The following TRDN variants were observed in gnomAD, a reference collection of about 807,000 sequenced individuals.
TRDN encodes triadin in skeletal muscle.
In TRDN, 161 loss-of-function variants were observed where a neutral mutation model predicts 149.7. That is an observed-to-expected ratio of 1.08 (90% confidence interval 0.95 to 1.23). The LOEUF (loss-of-function observed/expected upper bound fraction) is 1.23. Ranked by LOEUF, TRDN falls within the 50% of genes most tolerant of loss-of-function variation. The pLI is 0.00. For missense variants in TRDN, 896 were observed against 823.5 expected (o/e 1.09, Z -1.08); for synonymous variants, 294 against 250.5 (o/e 1.17, Z -1.64).
intron 2 of TRDN, among the ~76,000 whole-genome samples, chr6:123,553,412 C>T (rs1483163297): frequency 1.3e-5 from 2 of 151,734 alleles, no homozygotes; most frequent in Admixed American, 6.6e-5. Context: ...CTGTCTGATC[C>T]ACTCCACAGG....
intron 16 of TRDN, among the ~76,000 whole-genome samples, chr6:123,380,827 A>G (rs1781689379): frequency 6.6e-6 from 1 of 151,914 alleles, no homozygotes; most frequent in Non-Finnish European, 1.5e-5. Flanking sequence ...TTGTTAGCAC[A>G]CAGTCTTAAT....
chr6:123,260,196 T>C (rs975818938), intron 34 of TRDN, among the ~76,000 whole-genome samples: 4 of 152,186 alleles, frequency 2.6e-5, no homozygotes, highest in Admixed American at 1.3e-4. Context: ...AAAAACTACA[T>C]GTTACATTTT....
At chr6:123,254,398 C>A (rs540902072) in intron 37 of TRDN, among the ~76,000 whole-genome samples, 1 of 152,046 alleles carries the variant, frequency 6.6e-6, no homozygotes, top group South Asian at 2.1e-4. Flanking sequence ...AAAAACAAAG[C>A]TTTTTCTCTC....
chr6:123,250,390 C>T (rs1235171179), intron 38 of TRDN, among the ~76,000 whole-genome samples: 2 of 152,022 alleles, frequency 1.3e-5, no homozygotes, highest in African/African-American at 2.4e-5. Context: ...AAACCCACTC[C>T]TACCACCACC....
intron 1 of TRDN, among the ~76,000 whole-genome samples, chr6:123,615,141 C>A (rs559988083): frequency 6.6e-6 from 1 of 151,990 alleles, no homozygotes. Context: ...ATCAAAAAGA[C>A]AAAAGATAAT....
At chr6:123,305,083 T>G (rs1017639280) in intron 24 of TRDN, among the ~76,000 whole-genome samples, 1 of 152,164 alleles carries the variant, frequency 6.6e-6, no homozygotes, top group Non-Finnish European at 1.5e-5. Flanking sequence ...AAAATACAAT[T>G]GAAAACATTG....
chr6:123,279,544 C>A (rs1049394299), intron 24 of TRDN, among the ~76,000 whole-genome samples: 1 of 151,904 alleles, frequency 6.6e-6, no homozygotes, highest in Non-Finnish European at 1.5e-5. Context: ...TGTTTTCTTA[C>A]AAATGCCATC....
rs76968891 is a variant in TRDN, at chr6:123,220,878, T to C, written c.2050+609A>G. On this transcript the variant is annotated intron_variant, in intron 40 of 40. Transcript: ENST00000334268. ...TGTTCTGCAATGACTTTAATGCAAATACAGATTTAAAATTTATTGCTTTAC... is the reference window on the plus strand; with the variant it reads ...TGTTCTGCAATGACTTTAATGCAAACACAGATTTAAAATTTATTGCTTTAC... Among the ~76,000 whole-genome samples the C allele has an allele frequency of 3.1e-3, 466 of 151,860 alleles. 18 individuals carry two copies. In the East Asian group the frequency reaches 0.075, roughly 25 times the overall value.
Position 123,316,478 on chromosome 6 carries a change from C to G in TRDN, c.1489G>C (p.Asp497His). 1 of 1,610,286 alleles carries G rather than the reference C, an allele frequency of 6.2e-7. No homozygotes were observed. The highest frequency in any genetic ancestry group is 8.5e-7 in the Non-Finnish European group (1 of 1,177,636). Residue 497 changes from aspartate to histidine, a missense_variant, in exon 24 of 41, where the codon GAT (aspartate) becomes CAT (histidine). Transcript: ENST00000334268. Reference sequence around the variant, plus strand: ...TTACCTGCTTTGGACATCTTTTCATCTTTTTTAGTTTCAGGTTCTGGGGCA... The same window carrying G: ...TTACCTGCTTTGGACATCTTTTCATGTTTTTTAGTTTCAGGTTCTGGGGCA... Reference protein sequence around the residue: ...LKEKEPETKKDEKMSKAGKEV... With the variant: ...LKEKEPETKKHEKMSKAGKEV...
chr6:123,350,922 C>T (rs933195785), intron 21 of TRDN: 3 of 984,938 alleles, frequency 3.0e-6, no homozygotes, highest in Non-Finnish European at 3.6e-6. Flanking sequence ...GAACCATTTC[C>T]AGTCTCTTGT....
chr6:123,569,802 C>T (rs956652769), intron 2 of TRDN, among the ~76,000 whole-genome samples: 1 of 152,110 alleles, frequency 6.6e-6, no homozygotes, highest in African/African-American at 2.4e-5. Flanking sequence ...CAGTGCCAAA[C>T]CACTCACTAA....
Position 123,217,529 on chromosome 6 carries a change from G to A in TRDN, c.*1072C>T, listed in dbSNP as rs1775002301. On this transcript the variant is annotated 3_prime_UTR_variant, in exon 41 of 41. Transcript: ENST00000334268. ...CCAGGAATATGACAAAAACATAACA[G>A]TCATTCCCAGGGATGCACTGTCGAG... 1 of 151,912 alleles carries A rather than the reference G, an allele frequency of 6.6e-6. No homozygotes were observed. The highest frequency in any genetic ancestry group is 1.5e-5 in the Non-Finnish European group (1 of 67,930). The allele number at this position is 151,912 out of a possible 1,614,324, so 9.4% of individuals were successfully genotyped here. A position where few individuals can be genotyped will look rare whatever the true frequency, so the allele number is the denominator to read the frequency against.
intron 7 of TRDN, among the ~76,000 whole-genome samples, chr6:123,509,267 C>A (rs75584284): frequency 2.6e-5 from 4 of 151,780 alleles, no homozygotes; most frequent in African/African-American, 9.7e-5. Flanking sequence ...CTCAAGATGG[C>A]TCCCAGTGAC....
At chr6:123,590,307 G>A (rs901632344) in intron 1 of TRDN, among the ~76,000 whole-genome samples, 4 of 152,174 alleles carry the variant, frequency 2.6e-5, no homozygotes, top group African/African-American at 9.7e-5. Flanking sequence ...GAGGAATCTA[G>A]GTTGTTGGTT....
intron 33 of TRDN, among the ~76,000 whole-genome samples, chr6:123,264,119 T>G (rs1389987494): frequency 6.6e-6 from 1 of 152,076 alleles, no homozygotes; most frequent in Non-Finnish European, 1.5e-5. Flanking sequence ...CATTCAAGTC[T>G]TATTACTTAA....
At chr6:123,308,702 C>G (rs1254496912) in intron 24 of TRDN, among the ~76,000 whole-genome samples, 1 of 151,978 alleles carries the variant, frequency 6.6e-6, no homozygotes, top group Non-Finnish European at 1.5e-5. Context: ...TTCATCTTCC[C>G]ATGCTTCAGA....
intron 12 of TRDN, among the ~76,000 whole-genome samples, chr6:123,425,516 G>A (rs1774085495): frequency 6.6e-6 from 1 of 151,942 alleles, no homozygotes; most frequent in Admixed American, 6.6e-5. Context: ...AGAGAGAATT[G>A]AGCCCTAGAG....
chr6:123,456,842 A>G, intron 10 of TRDN: 1 of 455,912 alleles, frequency 2.2e-6, no homozygotes, highest in South Asian at 1.5e-5. Context: ...CACTTTTCTC[A>G]CTCATTCTAG....
intron 9 of TRDN, among the ~76,000 whole-genome samples, chr6:123,478,205 C>T (rs929930390): frequency 2.0e-5 from 3 of 152,038 alleles, no homozygotes; most frequent in Admixed American, 2.0e-4. Flanking sequence ...ATAAATGACT[C>T]ATAACCATTG....
Sources: allele counts gnomAD v4.1 joint callset (sites outside exome capture counted in the v4.1 genomes callset), GRCh38; gene constraint gnomAD v4.1.1; transcripts MANE v1.5; gene names NCBI Gene and HGNC (gene_info 2026-07-23, HGNC 2026-07-21).